COX7B2: variants seen among roughly 807,000 people sequenced by gnomAD.
The protein encoded by COX7B2 is cytochrome c oxidase subunit 7B2, mitochondrial.
For synonymous variants in COX7B2, 37 were observed against 32.1 expected, an observed-to-expected ratio of 1.15 and a Z score of -0.51; for missense variants, 109 against 95.9, an observed-to-expected ratio of 1.14 and a Z score of -0.57.
intron 2 of COX7B2, among the ~76,000 whole-genome samples, chr4:46,836,494 A>T (rs1715523615): frequency 6.6e-6 from 1 of 152,076 alleles, no homozygotes; most frequent in South Asian, 2.1e-4. Context: ...CTTCAGAAGC[A>T]GTAACACACA....
intron 1 of COX7B2, among the ~76,000 whole-genome samples, chr4:46,902,835 C>T (rs769651171): frequency 3.3e-5 from 5 of 152,042 alleles, no homozygotes; most frequent in African/African-American, 9.7e-5. Flanking sequence ...CCAGATCAAA[C>T]CACTGTACTC....
At chr4:46,795,059 T>C (rs1001616106) in intron 2 of COX7B2, among the ~76,000 whole-genome samples, 3 of 139,720 alleles carry the variant, frequency 2.1e-5, no homozygotes, top group Admixed American at 6.9e-5. Context: ...TGTTTTTTTC[T>C]TGTAAATTTG....
rs975635241 is a variant in COX7B2, at chr4:46,785,419, A to G, written c.-49-50178T>C. On this transcript the variant is annotated intron_variant, in intron 2 of 2. Transcript: ENST00000355591. Reference sequence around the variant, plus strand: ...GACGGAGTCTTGCTCTGTCACCCAGACTGGAGTGCAGTGGCACAATCTCAG... The same window carrying G: ...GACGGAGTCTTGCTCTGTCACCCAGGCTGGAGTGCAGTGGCACAATCTCAG... Among the ~76,000 whole-genome samples, 177 of 150,512 alleles carry G rather than the reference A, an allele frequency of 1.2e-3. 1 individual carries two copies. Among genetic ancestry groups the G allele is most frequent in the African/African-American group, 4.1e-3 (167 of 40,862 alleles).
At chr4:46,753,917 C>G (rs914327768) in intron 2 of COX7B2, among the ~76,000 whole-genome samples, 22 of 152,156 alleles carry the variant, frequency 1.4e-4, no homozygotes, top group Non-Finnish European at 3.2e-4. Context: ...TGAACAGACA[C>G]TTCTCAAAAG....
chr4:46,798,937 C>T (rs75369785), intron 2 of COX7B2, among the ~76,000 whole-genome samples: 153 of 152,274 alleles, frequency 1.0e-3, no homozygotes, highest in Non-Finnish European at 1.9e-3. Context: ...CTTGCACTCA[C>T]AAGCTCTTTC....
At chr4:46,762,335 TAA>T (rs1477428251) in intron 2 of COX7B2, among the ~76,000 whole-genome samples, 2 of 135,946 alleles carry the variant, frequency 1.5e-5, no homozygotes, top group African/African-American at 5.6e-5. Context: ...TACTATATAT[TAA>T]TATATATTTA....
chr4:46,779,072 G>C (rs569380036), intron 2 of COX7B2, among the ~76,000 whole-genome samples: 1 of 152,176 alleles, frequency 6.6e-6, no homozygotes, highest in South Asian at 2.1e-4. Context: ...AGAAGTCATT[G>C]ACCTGACAAT....
chr4:46,899,741 T>A (rs1719977024), intron 1 of COX7B2, among the ~76,000 whole-genome samples: 1 of 152,204 alleles, frequency 6.6e-6, no homozygotes, highest in Admixed American at 6.5e-5. Flanking sequence ...ATTTTCCATT[T>A]GAATGATTAT....
intron 1 of COX7B2, among the ~76,000 whole-genome samples, chr4:46,901,151 G>T (rs1487057058): frequency 6.6e-6 from 1 of 152,104 alleles, no homozygotes; most frequent in African/African-American, 2.4e-5. Flanking sequence ...ATGAAGGGTG[G>T]CATTCAGATG....
At chr4:46,798,601 T>C (rs181171594) in intron 2 of COX7B2, among the ~76,000 whole-genome samples, 161 of 152,318 alleles carry the variant, frequency 1.1e-3, no homozygotes, top group African/African-American at 3.6e-3. Flanking sequence ...AGAAAGCTAC[T>C]ATCCTTTTGA....
intron 2 of COX7B2, among the ~76,000 whole-genome samples, chr4:46,827,020 T>C (rs1238295971): frequency 6.6e-6 from 1 of 151,998 alleles, no homozygotes; most frequent in African/African-American, 2.4e-5. Flanking sequence ...ATCCATAAAA[T>C]TCAAAATAGA....
chr4:46,852,301 C>T (rs543810603), intron 1 of COX7B2, among the ~76,000 whole-genome samples: 49 of 152,222 alleles, frequency 3.2e-4, no homozygotes, highest in African/African-American at 1.2e-3. Flanking sequence ...CTCCTATGCT[C>T]TTGTGACAAA....
chr4:46,834,205 T>A (rs1715356841), intron 2 of COX7B2, among the ~76,000 whole-genome samples: 1 of 152,152 alleles, frequency 6.6e-6, no homozygotes, highest in African/African-American at 2.4e-5. Context: ...AAATATAGTA[T>A]GATCCCAATT....
At chr4:46,839,379 C>T (rs1334081739) in intron 2 of COX7B2, among the ~76,000 whole-genome samples, 1 of 152,012 alleles carries the variant, frequency 6.6e-6, no homozygotes, top group Non-Finnish European at 1.5e-5. Context: ...CTTCCTGTGT[C>T]ATCCCCAGCC....
intron 1 of COX7B2, among the ~76,000 whole-genome samples, chr4:46,873,086 T>A (rs1432356403): frequency 1.3e-5 from 2 of 151,856 alleles, no homozygotes; most frequent in African/African-American, 4.8e-5. Flanking sequence ...GGTTTTCTGT[T>A]CTTGAGTTAG....
At chr4:46,808,066 A>G (rs1052772265) in intron 2 of COX7B2, among the ~76,000 whole-genome samples, 2 of 151,838 alleles carry the variant, frequency 1.3e-5, no homozygotes, top group African/African-American at 4.8e-5. Flanking sequence ...GAAGAACATT[A>G]TTGGAATTTT....
chr4:46,900,039 C>T (rs1267538431), intron 1 of COX7B2, among the ~76,000 whole-genome samples: 1 of 151,924 alleles, frequency 6.6e-6, no homozygotes, highest in Non-Finnish European at 1.5e-5. Flanking sequence ...TTTCACATAC[C>T]ACAAGGATTA....
intron 2 of COX7B2, among the ~76,000 whole-genome samples, chr4:46,760,802 A>C (rs1716103708): frequency 6.6e-6 from 1 of 152,222 alleles, no homozygotes; most frequent in Admixed American, 6.5e-5. Flanking sequence ...TTTAATGGCA[A>C]ATTAGTCATA....
At chr4:46,858,785 G>C (rs1560423418) in intron 1 of COX7B2, among the ~76,000 whole-genome samples, 1 of 152,154 alleles carries the variant, frequency 6.6e-6, no homozygotes, top group Non-Finnish European at 1.5e-5. Context: ...TTCAGTAACT[G>C]ATGTGGAAGT....
Sources: gnomAD v4.1 joint callset for allele counts (sites outside exome capture counted in the v4.1 genomes callset) on GRCh38, gnomAD v4.1.1 for gene constraint, MANE v1.5 for transcripts, NCBI Gene and HGNC (gene_info 2026-07-23, HGNC 2026-07-21) for gene names.